Variants in MAX observed in about 807,000 individuals in gnomAD.
MAX encodes MYC associated transcriptional regulator X.
MAX carries 3 observed loss-of-function variants against 22.3 expected under a neutral mutation model. That is an observed-to-expected ratio of 0.13 (90% CI 0.06 to 0.35). The LOEUF (loss-of-function observed/expected upper bound fraction) is 0.35, where lower values mean the gene tolerates loss of function less well. MAX is among the 10% of genes least tolerant of loss of function. MAX has a pLI of 1.00. For missense variants in MAX, 119 were observed against 209.4 expected, an observed-to-expected ratio of 0.57 and a Z score of 2.66; for synonymous variants, 72 against 77.7, an observed-to-expected ratio of 0.93 and a Z score of 0.39.
intron 3 of MAX, among the ~76,000 whole-genome samples, chr14:65,092,581 C>G (rs73270901): frequency 1.2e-4 from 19 of 152,298 alleles, no homozygotes; most frequent in African/African-American, 4.3e-4. Flanking sequence ...CAAGTCCACA[C>G]TAAGTAGGCT....
Position 65,102,477 on chromosome 14 carries a change from TCACA to T in MAX, c.-142_-139del, listed in dbSNP as rs886050638. The stretch of plus-strand genomic sequence containing the variant: ...CTCACTCACTCACTCGCTCTCTCAC[TCACA>T]CACACACACAACACGGGCAAGAACC... On this transcript the variant is annotated 5_prime_UTR_variant, in exon 1 of 5. Coordinates refer to ENST00000358664, the MANE Select transcript of MAX (RefSeq NM_002382.5). The T allele has an allele frequency of 6.9e-5, 102 of 1,486,218 alleles. No individual in the cohort carries two copies. The Admixed American group carries it at 1.7e-3, about 24-fold the overall frequency. The allele number at this position is 1,486,218 out of a possible 1,614,324, so 92.1% of individuals were successfully genotyped here.
chr14:65,075,087 A>G (rs545708126), downstream of MAX: 1 of 1,012,588 alleles, frequency 9.9e-7, no homozygotes, highest in African/African-American at 1.7e-5. This position sits in a 1 kb window ranked among gnomAD's most constrained non-coding sequence, Gnocchi z 4.1. Context: ...CTCATCAACC[A>G]CCTTGGCCTT....
At chr14:65,099,538 AC>A (rs1199493689) in intron 2 of MAX, among the ~76,000 whole-genome samples, 5,565 of 150,050 alleles carry the variant, frequency 0.037, 327 homozygotes, top group African/African-American at 0.12. Flanking sequence ...CACCAAAAAA[AC>A]AAACAAACAA....
intron 3 of MAX, among the ~76,000 whole-genome samples, chr14:65,040,277 A>ATG (rs906756036): frequency 6.7e-6 from 1 of 148,712 alleles, no homozygotes; most frequent in African/African-American, 2.5e-5. Context: ...ATGTATATAT[A>ATG]TGTGTGTATA....
At chr14:65,057,836 A>C (rs914592001) in intron 3 of MAX, among the ~76,000 whole-genome samples, 1 of 152,150 alleles carries the variant, frequency 6.6e-6, no homozygotes, top group African/African-American at 2.4e-5. Context: ...TGTGTATCTC[A>C]TGTGTACCAC....
intron 3 of MAX, among the ~76,000 whole-genome samples, chr14:65,041,924 C>T (rs1476618259): frequency 6.6e-6 from 1 of 152,122 alleles, no homozygotes; most frequent in East Asian, 1.9e-4. Flanking sequence ...AGACAGTGTT[C>T]TAGATTTGAA....
At chr14:65,087,277 C>T (rs571487448) in intron 3 of MAX, among the ~76,000 whole-genome samples, 53 of 152,272 alleles carry the variant, frequency 3.5e-4, no homozygotes, top group African/African-American at 1.3e-3. Context: ...CTACTGGGGC[C>T]CTCTCTAGTG....
In MAX at chr14:65,041,276, G is replaced by A. The variant is rs375433359; in HGVS notation, c.172-34992C>T. 4.5e-4 allele frequency among the ~76,000 whole-genome samples: 68 copies of A among 152,288 alleles called. No homozygotes were observed. In the East Asian group the frequency reaches 0.011, roughly 25 times the overall value. On this transcript the variant is annotated intron_variant, in intron 3 of 3. Transcript: ENST00000341653. ...TACAAGAAGAGCTTTGCAGCATTTC[G>A]AAACCAAACTTTTATTACCTGCTGC... is the stretch of plus-strand genomic sequence containing the variant.
downstream of MAX, among the ~76,000 whole-genome samples, chr14:65,074,429 C>T (rs761468489): frequency 1.2e-4 from 18 of 152,162 alleles, no homozygotes; most frequent in East Asian, 2.3e-3. Flanking sequence ...AAAGATATTA[C>T]GGATTTGACA....
At chr14:65,046,265 C>T (rs1271773477) in intron 3 of MAX, among the ~76,000 whole-genome samples, 5 of 152,180 alleles carry the variant, frequency 3.3e-5, no homozygotes, top group Admixed American at 6.5e-5. Flanking sequence ...CGTGAGCCAC[C>T]GTGCCTGGCC....
intron 3 of MAX, among the ~76,000 whole-genome samples, chr14:65,043,828 C>CAAAAAAAAAAAAAA (rs749243788): frequency 6.2e-5 from 4 of 64,246 alleles, no homozygotes; most frequent in African/African-American, 1.7e-4. Flanking sequence ...GACTCCGTCT[C>CAAAAAAAAAAAAAA]AAAAAAAAAA....
intron 3 of MAX, among the ~76,000 whole-genome samples, chr14:65,087,386 A>C (rs538369608): frequency 1.3e-5 from 2 of 152,210 alleles, no homozygotes; most frequent in African/African-American, 4.8e-5. Context: ...CAGACACTCA[A>C]TGCCAGCCTG....
rs1269503959 is a variant in MAX at position 65,009,737 on chromosome 14, T to C, written c.172-3453A>G. Among the ~76,000 whole-genome samples, 1 of 152,164 alleles carries C rather than the reference T, an allele frequency of 6.6e-6. No individual in the cohort carries two copies. Among genetic ancestry groups the C allele is most frequent in the East Asian group, 1.9e-4 (1 of 5,192 alleles). On this transcript the variant is annotated intron_variant, in intron 3 of 3. Coordinates refer to the MAX transcript ENST00000341653. This position sits in a 1 kb window ranked among gnomAD's most constrained non-coding sequence, Gnocchi z 4.2. ...CAGCTGAACTAAACTAACTCAAATGTGTCATGGTGTTTTCTTCATTTTGCC... is the reference window on the plus strand; with the variant it reads ...CAGCTGAACTAAACTAACTCAAATGCGTCATGGTGTTTTCTTCATTTTGCC...
rs1286374151 is a variant in MAX, at chr14:65,023,898, C to T, written c.172-17614G>A. On this transcript the variant is annotated intron_variant, in intron 3 of 3. Coordinates refer to the MAX transcript ENST00000341653. The surrounding 1 kb of genome is among the most constrained non-coding windows in gnomAD (Gnocchi z 4.1). The stretch of plus-strand genomic sequence containing the variant: ...GGCGGATTGTCTGAGCTCGGGAGTT[C>T]GAGACCAGCCTGGGCAACACAGTGA... Among the ~76,000 whole-genome samples, 2 of 151,976 alleles carry T rather than the reference C, an allele frequency of 1.3e-5. No homozygotes were observed. The highest frequency in any genetic ancestry group is 2.9e-5 in the Non-Finnish European group (2 of 67,998).
At chr14:65,061,371 A>C in intron 3 of MAX, 1 of 1,607,222 alleles carries the variant, frequency 6.2e-7, no homozygotes, top group Non-Finnish European at 8.5e-7. Flanking sequence ...CAAGGTTTAT[A>C]CGTTTCAATA....
rs780658590 is a variant in MAX, at chr14:65,054,630, C to A, written c.171+39078G>T. The A allele has an allele frequency of 6.2e-7, 1 of 1,613,884 alleles. No homozygotes were observed. Among genetic ancestry groups the A allele is most frequent in the East Asian group, 2.2e-5 (1 of 44,850 alleles). ...CCTGAGCGGCCTGTCCATAGCCCAG[C>A]ACTTCGGCAGCGGAGCCATGTTGCA... On this transcript the variant is annotated intron_variant, in intron 3 of 3. Coordinates refer to the MAX transcript ENST00000341653. The surrounding 1 kb of genome is among the most constrained non-coding windows in gnomAD (Gnocchi z 4.4).
Position 65,030,277 on chromosome 14 carries a change from G to GCACTTGT in MAX, c.172-24000_172-23994dup, listed in dbSNP as rs1170655894. Among the ~76,000 whole-genome samples, 1 of 152,196 alleles carries GCACTTGT rather than the reference G, an allele frequency of 6.6e-6. No individual in the cohort carries two copies. Among genetic ancestry groups the GCACTTGT allele is most frequent in the Non-Finnish European group, 1.5e-5 (1 of 68,038 alleles). On this transcript the variant is annotated intron_variant, in intron 3 of 3. Transcript: ENST00000341653. This position sits in a 1 kb window ranked among gnomAD's most constrained non-coding sequence, Gnocchi z 4.5. ...TGGTAGATGATCACATTTGGCATTG[G>GCACTTGT]CACTTGTGACTCTTGTGTGCTCCCA...
At chr14:65,071,165 G>A (rs1238961537), downstream of MAX, among the ~76,000 whole-genome samples, 1 of 151,604 alleles carries the variant, frequency 6.6e-6, no homozygotes, top group African/African-American at 2.4e-5. This position sits in a 1 kb window ranked among gnomAD's most constrained non-coding sequence, Gnocchi z 4.2. Flanking sequence ...TTTCTGAGAA[G>A]GAGTCTTGCT....
At chr14:65,102,060 C>G (rs2063860818) in intron 1 of MAX, among the ~76,000 whole-genome samples, 1 of 152,192 alleles carries the variant, frequency 6.6e-6, no homozygotes, top group Non-Finnish European at 1.5e-5. Context: ...CACCCTCCCG[C>G]AAGGGAGGAG....
Sources: allele counts gnomAD v4.1 joint callset (sites outside exome capture counted in the v4.1 genomes callset), GRCh38; gene constraint gnomAD v4.1.1; non-coding constraint Gnocchi (gnomAD v3.1); transcripts MANE v1.5; gene names NCBI Gene and HGNC (gene_info 2026-07-23, HGNC 2026-07-21).